ACTR3C: variants seen among roughly 807,000 people sequenced by gnomAD.
ACTR3C encodes the protein actin related protein 3C.
ACTR3C carries 18 observed loss-of-function variants against 26.3 expected under a neutral mutation model. The observed-to-expected ratio is 0.68, with a 90% CI of 0.47 to 1.01. The LOEUF (loss-of-function observed/expected upper bound fraction) is 1.01. Among genes scored for constraint, ACTR3C ranks in the 50% least tolerant of loss-of-function variants. The pLI, the probability that ACTR3C is intolerant of heterozygous loss-of-function variation, is 0.00. For synonymous variants in ACTR3C, 55 were observed against 94.5 expected, an observed-to-expected ratio of 0.58 and a Z score of 2.42; for missense variants, 184 against 250.7, an observed-to-expected ratio of 0.73 and a Z score of 1.80.
the ACTR3C span, among the ~76,000 whole-genome samples, chr7:150,195,109 A>G: frequency 0.025 from 3,513 of 139,828 alleles, 52 homozygotes; most frequent in South Asian, 0.043. Flanking sequence ...ACATATATGT[A>G]TATATATATA....
At chr7:150,284,953 A>G in intron 5 of ACTR3C, 108 bp from the exon 6 acceptor site, 1 of 1,062,520 alleles carries the variant, frequency 9.4e-7, no homozygotes, top group Non-Finnish European at 1.3e-6. Context: ...ATTATAACTT[A>G]AAAGAATTCA....
the ACTR3C span, among the ~76,000 whole-genome samples, chr7:150,071,130 CT>C: frequency 1.4e-5 from 2 of 146,158 alleles, no homozygotes; most frequent in South Asian, 4.4e-4. Context: ...CAATTTCTTT[CT>C]TTTTTTGTTT....
At chr7:149,901,530 A>AAT in the ACTR3C span, among the ~76,000 whole-genome samples, 1 of 150,198 alleles carries the variant, frequency 6.7e-6, no homozygotes, top group East Asian at 2.0e-4. Flanking sequence ...TCAAAATAAA[A>AAT]TATTTTAAAT....
At chr7:150,252,168 GCA>G (rs1383819406) in intron 6 of ACTR3C, among the ~76,000 whole-genome samples, 4 of 151,930 alleles carry the variant, frequency 2.6e-5, no homozygotes, top group South Asian at 2.1e-4. Context: ...GTGTGTGTGT[GCA>G]ATGAAAGAAA....
intron 6 of ACTR3C, among the ~76,000 whole-genome samples, chr7:150,259,347 G>GAGAA (rs906164770): frequency 1.3e-5 from 2 of 151,830 alleles, no homozygotes; most frequent in African/African-American, 2.4e-5. Context: ...AAGAAAGACA[G>GAGAA]AGAAAGAAAG....
chr7:150,179,425 AAAAAAAG>A, the ACTR3C span, among the ~76,000 whole-genome samples: 3 of 144,084 alleles, frequency 2.1e-5, no homozygotes, highest in Admixed American at 6.7e-5. Context: ...CAGGAAAAAA[AAAAAAAG>A]AAAGAAATTG....
chr7:150,207,552 GATTTT>G, the ACTR3C span, among the ~76,000 whole-genome samples: 6 of 151,962 alleles, frequency 3.9e-5, no homozygotes, highest in East Asian at 9.7e-4. Flanking sequence ...AACATTTCTT[GATTTT>G]ATTAGCTTTT....
the ACTR3C span, among the ~76,000 whole-genome samples, chr7:150,173,679 C>T: frequency 1.1e-4 from 13 of 121,094 alleles, 3 homozygotes; most frequent in Admixed American, 5.3e-4. Context: ...TTTTCTATCA[C>T]GTTGTCGGGC....
At chr7:150,034,823 C>G in the ACTR3C span, among the ~76,000 whole-genome samples, 298 of 148,704 alleles carry the variant, frequency 2.0e-3, no homozygotes, top group Non-Finnish European at 3.5e-3. Flanking sequence ...TGGGGGGTGC[C>G]TCCCCCCTCT....
the ACTR3C span, among the ~76,000 whole-genome samples, chr7:149,936,310 G>A: frequency 6.6e-6 from 1 of 152,014 alleles, no homozygotes; most frequent in African/African-American, 2.4e-5. Context: ...CATGAATGAG[G>A]GCCAAGCAAG....
chr7:150,267,027 T>C (rs1476173112), intron 6 of ACTR3C, among the ~76,000 whole-genome samples: 1 of 152,218 alleles, frequency 6.6e-6, no homozygotes, highest in East Asian at 1.9e-4. Flanking sequence ...AGACACTGAG[T>C]ACATTTCCAA....
the ACTR3C span, among the ~76,000 whole-genome samples, chr7:150,072,609 A>G: frequency 0.4 from 54,064 of 136,650 alleles, 11,274 homozygotes; most frequent in East Asian, 0.61. Flanking sequence ...CGGTGATGAC[A>G]AAGCACCATG....
At chr7:150,124,155 C>T in the ACTR3C span, among the ~76,000 whole-genome samples, 5 of 152,166 alleles carry the variant, frequency 3.3e-5, no homozygotes, top group Non-Finnish European at 7.4e-5. Context: ...TTTCTTCCTT[C>T]TTCATGAAAA....
chr7:150,210,388 G>A, the ACTR3C span, among the ~76,000 whole-genome samples: 2 of 150,984 alleles, frequency 1.3e-5, no homozygotes, highest in Non-Finnish European at 2.9e-5. Flanking sequence ...CTACCTAAGT[G>A]AAGTGTAAGC....
intron 6 of ACTR3C, among the ~76,000 whole-genome samples, chr7:150,251,688 G>A (rs1038157350): frequency 2.0e-5 from 3 of 151,980 alleles, no homozygotes; most frequent in African/African-American, 7.2e-5. Flanking sequence ...ATTTAGGATT[G>A]TATTAATTCC....
At chr7:149,993,679 C>A in the ACTR3C span, among the ~76,000 whole-genome samples, 2 of 152,022 alleles carry the variant, frequency 1.3e-5, no homozygotes, top group African/African-American at 4.8e-5. Context: ...CAATCCCCAC[C>A]CACAGACCCC....
Position 150,300,493 on chromosome 7 carries a change from AG to A in ACTR3C, c.-51-5147del, listed in dbSNP as rs1169230019. Among the ~76,000 whole-genome samples, 4 of 152,118 alleles carry A rather than the reference AG, an allele frequency of 2.6e-5. 1 individual carries two copies. Among genetic ancestry groups the A allele is most frequent in the Admixed American group, 1.3e-4 (2 of 15,286 alleles). ...GCTTCCTCTAGGCAGGAAAGAGGCG[AG>A]GGGGGCACGCTCTCTAGAAATCTTC... On this transcript the variant is annotated intron_variant, in intron 1 of 7. Transcript: ENST00000683684.
At chr7:149,915,189 A>G in the ACTR3C span, among the ~76,000 whole-genome samples, 23 of 152,250 alleles carry the variant, frequency 1.5e-4, no homozygotes, top group South Asian at 4.8e-3. Flanking sequence ...TTCATTCTTT[A>G]TAGATGATAA....
chr7:150,058,088 A>G, the ACTR3C span, among the ~76,000 whole-genome samples: 3 of 152,104 alleles, frequency 2.0e-5, no homozygotes, highest in Non-Finnish European at 4.4e-5. Context: ...CCTTCATTGT[A>G]TTGGTCATAT....
Sources: gnomAD v4.1 joint callset for allele counts (sites outside exome capture counted in the v4.1 genomes callset) on GRCh38, gnomAD v4.1.1 for gene constraint, MANE v1.5 for transcripts, NCBI Gene and HGNC (gene_info 2026-07-23, HGNC 2026-07-21) for gene names.